Variants in SENP7 observed in about 807,000 individuals in gnomAD.
SENP7 encodes SUMO specific peptidase 7, also known as sentrin-specific protease 7.
SENP7 carries 64 observed loss-of-function variants against 141.2 expected under a neutral mutation model. The observed-to-expected ratio is 0.45, with a 90% confidence interval of 0.37 to 0.56. SENP7 has a LOEUF of 0.56. Ranked by LOEUF, SENP7 falls within the 20% of genes least tolerant of loss-of-function variation. The probability of loss-of-function intolerance (pLI) is 0.00; values close to 1 mark genes in which losing one functional copy is unlikely to be tolerated. For missense variants in SENP7, 1,025 were observed against 1,212.2 expected, an observed-to-expected ratio of 0.85 and a Z score of 2.29; for synonymous variants, 382 against 426.4, an observed-to-expected ratio of 0.90 and a Z score of 1.28.
intron 1 of SENP7, among the ~76,000 whole-genome samples, chr3:101,507,127 G>T (rs750977567): frequency 4.6e-5 from 7 of 151,706 alleles, no homozygotes; most frequent in Non-Finnish European, 8.8e-5. Context: ...AATGGGTGGA[G>T]CCAGGCACAA....
At chr3:101,404,029 A>G (rs150948063) in intron 5 of SENP7, among the ~76,000 whole-genome samples, 20 of 152,330 alleles carry the variant, frequency 1.3e-4, no homozygotes, top group African/African-American at 4.1e-4. Context: ...TATTCCTATC[A>G]TACTACCAAC....
At chr3:101,464,114 C>A (rs1333881268) in intron 3 of SENP7, among the ~76,000 whole-genome samples, 1 of 152,036 alleles carries the variant, frequency 6.6e-6, no homozygotes, top group Admixed American at 6.5e-5. Context: ...TGTGAGCCAC[C>A]ACACCCAGCC....
chr3:101,429,866 C>T (rs1290847311), intron 4 of SENP7, among the ~76,000 whole-genome samples: 2 of 152,102 alleles, frequency 1.3e-5, no homozygotes, highest in East Asian at 1.9e-4. Flanking sequence ...TATGTTCCAT[C>T]GATACCTAGT....
At chr3:101,415,843 G>A (rs376602279) in intron 5 of SENP7, among the ~76,000 whole-genome samples, 257 of 146,652 alleles carry the variant, frequency 1.8e-3, no homozygotes, top group Non-Finnish European at 2.7e-3. Flanking sequence ...ATTACTTGAA[G>A]TGATAACACA....
chr3:101,327,286 C>A (rs2058927647), intron 23 of SENP7, among the ~76,000 whole-genome samples: 3 of 151,934 alleles, frequency 2.0e-5, no homozygotes, highest in Non-Finnish European at 4.4e-5. Flanking sequence ...TCCTATAATC[C>A]CCACTGTGGT....
At chr3:101,484,482 G>A (rs540377836) in intron 3 of SENP7, among the ~76,000 whole-genome samples, 13 of 152,080 alleles carry the variant, frequency 8.5e-5, no homozygotes, top group Non-Finnish European at 1.9e-4. Context: ...CAGCAATCCC[G>A]AGAGGGCCCA....
At chr3:101,360,113 T>A (rs1198665210) in intron 11 of SENP7, among the ~76,000 whole-genome samples, 2 of 152,182 alleles carry the variant, frequency 1.3e-5, no homozygotes, top group Non-Finnish European at 2.9e-5. Context: ...TGAATAAAAT[T>A]CCTTAAAGAA....
chr3:101,506,032 T>C (rs2065593832), intron 1 of SENP7, among the ~76,000 whole-genome samples: 1 of 150,520 alleles, frequency 6.6e-6, no homozygotes, highest in Non-Finnish European at 1.5e-5. Context: ...TTTTTTTTTT[T>C]TTTTTTGAGA....
intron 11 of SENP7, chr3:101,358,420 C>A (rs190429311): frequency 6.1e-5 from 26 of 426,280 alleles, no homozygotes; most frequent in East Asian, 4.6e-4. Context: ...TGGAGAGAAA[C>A]CCTATAAATG....
chr3:101,334,912 T>C (rs1238794419), intron 17 of SENP7, among the ~76,000 whole-genome samples: 1 of 152,194 alleles, frequency 6.6e-6, no homozygotes, highest in Non-Finnish European at 1.5e-5. Context: ...ACTAAATGTC[T>C]AACAGTTCTC....
At chr3:101,467,230 C>G (rs2063792610) in intron 3 of SENP7, among the ~76,000 whole-genome samples, 1 of 152,224 alleles carries the variant, frequency 6.6e-6, no homozygotes, top group African/African-American at 2.4e-5. Flanking sequence ...CCTACTGCCT[C>G]TAGACTCCAC....
At chr3:101,351,478 C>T in intron 12 of SENP7, 140 bp downstream of exon 12, 2 of 577,728 alleles carry the variant, frequency 3.5e-6, no homozygotes, top group East Asian at 3.9e-5. Context: ...ATTTTCAGAA[C>T]AAGTCCATTA....
At chr3:101,463,380 T>TATATATACAC (rs1553744726) in intron 3 of SENP7, among the ~76,000 whole-genome samples, 2 of 72,142 alleles carry the variant, frequency 2.8e-5, no homozygotes, top group African/African-American at 1.2e-4. Flanking sequence ...TATATATATA[T>TATATATACAC]ATATATATAT....
chr3:101,341,067 C>T (rs3846086), intron 15 of SENP7, among the ~76,000 whole-genome samples: 60,362 of 151,924 alleles, frequency 0.4, 12,508 homozygotes, highest in Admixed American at 0.54. Context: ...ATTTAAAGTG[C>T]TAATATGATA....
At chr3:101,460,155 T>G (rs958946994) in intron 3 of SENP7, among the ~76,000 whole-genome samples, 13 of 152,178 alleles carry the variant, frequency 8.5e-5, no homozygotes, top group African/African-American at 2.9e-4. Flanking sequence ...CCAGATTCCA[T>G]TCACTCCCTA....
chr3:101,385,665 C>G (rs186957450), intron 6 of SENP7, among the ~76,000 whole-genome samples: 1 of 152,120 alleles, frequency 6.6e-6, no homozygotes, highest in African/African-American at 2.4e-5. Flanking sequence ...TGCTCTCAGT[C>G]GATAGCAAAG....
At chr3:101,345,167 T>A (rs1378244645) in intron 13 of SENP7, among the ~76,000 whole-genome samples, 2 of 152,140 alleles carry the variant, frequency 1.3e-5, no homozygotes, top group South Asian at 2.1e-4. Flanking sequence ...TTGTTCTTTT[T>A]GCTTAGTCTT....
Position 101,325,023 on chromosome 3 carries a change from C to T in SENP7, c.*920G>A, listed in dbSNP as rs1228490212. 6.6e-6 allele frequency: 1 copy of T among 151,888 alleles called. No homozygotes were observed. Among genetic ancestry groups the T allele is most frequent in the Non-Finnish European group, 1.5e-5 (1 of 67,952 alleles). 9.4% of individuals were successfully genotyped at this position (151,888 alleles called of 1,614,324 possible). On this transcript the variant is annotated 3_prime_UTR_variant, in exon 24 of 24. Coordinates refer to ENST00000394095, the MANE Select transcript of SENP7 (RefSeq NM_020654.5). The stretch of plus-strand genomic sequence containing the variant: ...GCAGATGAATACTGGGTAAACTGAG[C>T]TATAAAATTATATATTTAATTCTAC...
At chr3:101,479,560 G>A (rs1468374993) in intron 3 of SENP7, among the ~76,000 whole-genome samples, 9 of 151,132 alleles carry the variant, frequency 6.0e-5, no homozygotes, top group Non-Finnish European at 1.0e-4. Context: ...ACTTGCAGAT[G>A]ATCATGCCAC....
Sources: gnomAD v4.1 joint callset for allele counts (sites outside exome capture counted in the v4.1 genomes callset) on GRCh38, gnomAD v4.1.1 for gene constraint, MANE v1.5 for transcripts, NCBI Gene and HGNC (gene_info 2026-07-23, HGNC 2026-07-21) for gene names.